The following TLK1 variants were observed in gnomAD, a reference collection of about 807,000 sequenced individuals.
TLK1 encodes tousled like kinase 1, also known as serine/threonine-protein kinase tousled-like 1.
Under a neutral mutation model 105.3 loss-of-function variants are expected in TLK1, and 24 were observed. That is an observed-to-expected ratio of 0.23 (90% CI 0.17 to 0.32). TLK1 has a LOEUF of 0.32. TLK1 is among the 10% of genes least tolerant of loss of function. The probability of loss-of-function intolerance (pLI) is 1.00; values close to 1 mark genes in which losing one functional copy is unlikely to be tolerated. For synonymous variants in TLK1, 321 were observed against 310.4 expected (o/e 1.03, Z -0.36); for missense variants, 558 against 910.5 (o/e 0.61, Z 4.98).
rs147806356 is a variant in TLK1 at position 171,160,729 on chromosome 2, C to T, written c.-301G>A. On this transcript the variant is annotated 5_prime_UTR_variant, in exon 1 of 21. Transcript: ENST00000431350. The surrounding 1 kb of genome is among the most constrained non-coding windows in gnomAD (Gnocchi z 4.4). ...GGCGGAGGCGTCGAGGGGGTGCCAG[C>T]CGGGCCGGGGTCGGAGCGCGGGCGG... 0.012 allele frequency: 5,289 copies of T among 451,444 alleles called. 233 individuals carry two copies. Among genetic ancestry groups the T allele is most frequent in the African/African-American group, 0.098 (4,644 of 47,332 alleles). The allele number at this position is 451,444 out of a possible 1,614,324, so 28.0% of individuals were successfully genotyped here. A position where few individuals can be genotyped will look rare whatever the true frequency, so the allele number is the denominator to read the frequency against.
chr2:171,143,068 TC>T (rs1691648188), intron 1 of TLK1, among the ~76,000 whole-genome samples: 1 of 152,072 alleles, frequency 6.6e-6, no homozygotes, highest in African/African-American at 2.4e-5. Context: ...AAATCGAGAC[TC>T]CGTCTCTCAA....
chr2:170,994,538 C>CAAA lies in TLK1; in HGVS notation c.2125-585_2125-583dup, dbSNP rs11397597. ...GTTTTTCTTTGAGAATAGCCTCTTA[C>CAAA]AAAAAAAAAAAAAACCTTTCCTGAA... On this transcript the variant is annotated intron_variant, in intron 20 of 20. Coordinates refer to ENST00000431350, the MANE Select transcript of TLK1 (RefSeq NM_012290.5). 7.5e-3 allele frequency among the ~76,000 whole-genome samples: 967 copies of CAAA among 129,432 alleles called. 8 individuals carry two copies. The highest frequency in any genetic ancestry group is 0.024 in the African/African-American group (875 of 35,834). The allele number at this position is 129,432 out of a possible 152,430, so 84.9% of individuals were successfully genotyped here. A position where few individuals can be genotyped will look rare whatever the true frequency, so the allele number is the denominator to read the frequency against.
chr2:171,132,052 T>C (rs1414086356), intron 1 of TLK1, among the ~76,000 whole-genome samples: 3 of 152,226 alleles, frequency 2.0e-5, no homozygotes, highest in African/African-American at 7.2e-5. Context: ...TTTACCATTG[T>C]ATTCGTCCGT....
At position 171,160,228 on chromosome 2, in the gene TLK1, C is replaced by A; in HGVS notation, c.139+62G>T. 4 of 1,163,344 alleles carry A rather than the reference C, an allele frequency of 3.4e-6. No homozygotes were observed. Among genetic ancestry groups the A allele is most frequent in the Non-Finnish European group, 4.4e-6 (4 of 916,088 alleles). The allele number at this position is 1,163,344 out of a possible 1,614,324, so 72.1% of individuals were successfully genotyped here. ...CGGGGCGGGGGGGGCGGGGGGGGGGCGCGGGGGTCCGCGGCGCGGGAGAGG... is the reference window on the plus strand; with the variant it reads ...CGGGGCGGGGGGGGCGGGGGGGGGGAGCGGGGGTCCGCGGCGCGGGAGAGG... On this transcript the variant is annotated intron_variant, in intron 1 of 20. Transcript: ENST00000431350. This position sits in a 1 kb window ranked among gnomAD's most constrained non-coding sequence, Gnocchi z 4.4.
Position 171,160,538 on chromosome 2 carries a change from C to A in TLK1, c.-110G>T. On this transcript the variant is annotated 5_prime_UTR_variant, in exon 1 of 21. Coordinates refer to ENST00000431350, the MANE Select transcript of TLK1 (RefSeq NM_012290.5). This position sits in a 1 kb window ranked among gnomAD's most constrained non-coding sequence, Gnocchi z 4.4. ...GCCGCGCTGAGGGCGAGCGAGAGAG[C>A]GAGGGCTGGGAGGGGAGAGTCAAGG... 1 of 1,460,468 alleles carries A rather than the reference C, an allele frequency of 6.8e-7. No individual in the cohort carries two copies. The allele number at this position is 1,460,468 out of a possible 1,614,324, so 90.5% of individuals were successfully genotyped here.
chr2:171,087,336 C>T (rs2105483768), intron 2 of TLK1, among the ~76,000 whole-genome samples: 1 of 152,200 alleles, frequency 6.6e-6, no homozygotes, highest in East Asian at 1.9e-4. Flanking sequence ...GTAAATTCTA[C>T]AACTGAAAAT....
chr2:171,148,816 G>A (rs1348402285), intron 1 of TLK1, among the ~76,000 whole-genome samples: 3 of 150,442 alleles, frequency 2.0e-5, no homozygotes, highest in Non-Finnish European at 4.4e-5. Flanking sequence ...GGAGGCAGAG[G>A]ATGCAGTGAG....
At chr2:171,099,098 A>G (rs141635585) in intron 2 of TLK1, among the ~76,000 whole-genome samples, 14 of 152,306 alleles carry the variant, frequency 9.2e-5, no homozygotes, top group African/African-American at 3.4e-4. Flanking sequence ...AAAAAAATAA[A>G]AGGTAAATAC....
chr2:171,106,061 G>A (rs1689911215), intron 2 of TLK1, among the ~76,000 whole-genome samples: 1 of 152,182 alleles, frequency 6.6e-6, no homozygotes, highest in African/African-American at 2.4e-5. Context: ...CAACACTGAT[G>A]AGCTTGGAGG....
At chr2:171,038,937 C>G (rs1686514542) in intron 11 of TLK1, among the ~76,000 whole-genome samples, 1 of 152,030 alleles carries the variant, frequency 6.6e-6, no homozygotes, top group South Asian at 2.1e-4. Flanking sequence ...GCTTAAATCT[C>G]CCACTATGAT....
intron 1 of TLK1, among the ~76,000 whole-genome samples, chr2:171,124,738 G>A (rs1690799700): frequency 6.6e-6 from 1 of 152,280 alleles, no homozygotes; most frequent in South Asian, 2.1e-4. Flanking sequence ...TATCACCACC[G>A]CTTGCAGCAC....
rs998138338 is a variant in TLK1 at position 171,188,705 on chromosome 2, CA to C, written c.-6+42439del. On this transcript the variant is annotated intron_variant, in intron 1 of 20. Transcript: ENST00000521943. Reference sequence around the variant, plus strand: ...CCAGCAACAGTGCAAGACTCTGTCTCAAAAAAAAAAAAAAAAAAAAGAAAAT... The same window carrying C: ...CCAGCAACAGTGCAAGACTCTGTCTCAAAAAAAAAAAAAAAAAAAGAAAAT... Among the ~76,000 whole-genome samples, 197 of 44,650 alleles carry C rather than the reference CA, an allele frequency of 4.4e-3. 2 individuals carry two copies. The highest frequency in any genetic ancestry group is 8.8e-3 in the Admixed American group (33 of 3,750). The allele number at this position is 44,650 out of a possible 152,430, so 29.3% of individuals were successfully genotyped here.
chr2:171,081,527 T>A (rs561246618), intron 3 of TLK1: 159 of 534,258 alleles, frequency 3.0e-4, no homozygotes, highest in Non-Finnish European at 4.2e-4. Flanking sequence ...ATACACTTTT[T>A]AAAAAACTTT....
intron 1 of TLK1, among the ~76,000 whole-genome samples, chr2:171,190,592 AAAAC>A (rs1456375369): frequency 1.3e-5 from 2 of 152,234 alleles, no homozygotes; most frequent in Non-Finnish European, 2.9e-5. Flanking sequence ...ACCAATTTAA[AAAAC>A]AAACAAAACA....
chr2:171,195,522 A>AAG (rs1491211244), intron 1 of TLK1, among the ~76,000 whole-genome samples: 3 of 143,498 alleles, frequency 2.1e-5, no homozygotes, highest in African/African-American at 8.2e-5. Context: ...AAAAAAAAAA[A>AAG]CATAATCCAC....
At chr2:171,174,120 C>G (rs1202999003) in intron 1 of TLK1, among the ~76,000 whole-genome samples, 1 of 152,114 alleles carries the variant, frequency 6.6e-6, no homozygotes, top group Non-Finnish European at 1.5e-5. Context: ...CTATGTGATT[C>G]TTTTTCATCT....
At chr2:171,047,344 AAT>A (rs150017741) in intron 10 of TLK1, among the ~76,000 whole-genome samples, 34,236 of 152,018 alleles carry the variant, frequency 0.23, 4,754 homozygotes, top group Middle Eastern at 0.36. Flanking sequence ...GCCAATAAAA[AAT>A]TTTCAAATCC....
chr2:170,996,798 C>T (rs1559330654), intron 19 of TLK1, 38 bp from the exon 20 acceptor site: 2 of 1,525,534 alleles, frequency 1.3e-6, no homozygotes, highest in East Asian at 4.5e-5. Context: ...ACTTTTCTCA[C>T]AAAATATTTA....
At chr2:170,999,825 C>A (rs1684272578) in intron 18 of TLK1, among the ~76,000 whole-genome samples, 1 of 152,024 alleles carries the variant, frequency 6.6e-6, no homozygotes, top group African/African-American at 2.4e-5. Flanking sequence ...GTGGTGCGAT[C>A]ACGGCTCACT....
Sources: gnomAD v4.1 joint callset for allele counts (sites outside exome capture counted in the v4.1 genomes callset) on GRCh38, gnomAD v4.1.1 for gene constraint, Gnocchi (gnomAD v3.1) non-coding constraint, MANE v1.5 for transcripts, NCBI Gene and HGNC (gene_info 2026-07-23, HGNC 2026-07-21) for gene names.